The following TMEM132C variants were observed in gnomAD, a reference collection of about 807,000 sequenced individuals.
The protein encoded by TMEM132C is transmembrane protein 132C, also known as protein phosphatase 1, regulatory subunit 152.
TMEM132C carries 29 observed loss-of-function variants against 61.4 expected under a neutral mutation model. The ratio of observed to expected loss-of-function variants is 0.47; its 90% CI spans 0.35 to 0.64. The LOEUF (loss-of-function observed/expected upper bound fraction) is 0.64. TMEM132C is among the 30% of genes least tolerant of loss of function. The probability of loss-of-function intolerance (pLI) is 0.00; values close to 1 mark genes in which losing one functional copy is unlikely to be tolerated. For synonymous variants in TMEM132C, 656 were observed against 633.1 expected, an observed-to-expected ratio of 1.04 and a Z score of -0.54; for missense variants, 1,408 against 1,476.9, an observed-to-expected ratio of 0.95 and a Z score of 0.76.
At chr12:128,473,324 T>TCATCCTCACTCCAGCATC (rs371048252) in intron 2 of TMEM132C, among the ~76,000 whole-genome samples, 1 of 151,684 alleles carries the variant, frequency 6.6e-6, no homozygotes, top group Non-Finnish European at 1.5e-5. Context: ...GCCTCTATCT[T>TCATCCTCACTCCAGCATC]CATCTTCAGT....
At chr12:128,269,347 C>CGTGTGTGTGTGTGTGTGT (rs58843737) in intron 1 of TMEM132C, among the ~76,000 whole-genome samples, 4,171 of 143,070 alleles carry the variant, frequency 0.029, 118 homozygotes, top group East Asian at 0.077. Context: ...GCTCACATTC[C>CGTGTGTGTGTGTGTGTGT]GTGTGTGTGT....
At chr12:128,439,619 T>G (rs185148287) in intron 2 of TMEM132C, among the ~76,000 whole-genome samples, 4 of 152,230 alleles carry the variant, frequency 2.6e-5, no homozygotes, top group Non-Finnish European at 5.9e-5. Flanking sequence ...CCTTTCTTTT[T>G]TTCAGCAGGA....
At chr12:128,499,537 AC>A (rs1872084530) in intron 2 of TMEM132C, among the ~76,000 whole-genome samples, 1 of 152,014 alleles carries the variant, frequency 6.6e-6, no homozygotes, top group Non-Finnish European at 1.5e-5. Flanking sequence ...GTACCCATTA[AC>A]CCTCTCCCGA....
chr12:128,469,972 C>T (rs181245820), intron 2 of TMEM132C, among the ~76,000 whole-genome samples: 133 of 152,140 alleles, frequency 8.7e-4, no homozygotes, highest in African/African-American at 3.1e-3. Flanking sequence ...TTTCTGAAAA[C>T]AATATTTGCT....
intron 2 of TMEM132C, among the ~76,000 whole-genome samples, chr12:128,444,320 T>G (rs1869899603): frequency 6.6e-6 from 1 of 152,192 alleles, no homozygotes; most frequent in Non-Finnish European, 1.5e-5. Flanking sequence ...GAAATACCCC[T>G]CTGTGCTTCA....
chr12:128,510,923 C>T (rs1221984654), intron 2 of TMEM132C, among the ~76,000 whole-genome samples: 2 of 152,196 alleles, frequency 1.3e-5, no homozygotes, highest in Non-Finnish European at 2.9e-5. Flanking sequence ...CTGTGTGCCG[C>T]TCACCCACCG....
At chr12:128,327,259 T>C (rs1872550768) in intron 1 of TMEM132C, among the ~76,000 whole-genome samples, 1 of 150,202 alleles carries the variant, frequency 6.7e-6, no homozygotes, top group African/African-American at 2.5e-5. Context: ...TGTAAAATAT[T>C]TGAAGAGACT....
Position 128,706,552 on chromosome 12 carries a change from A to G in TMEM132C, c.*257A>G, listed in dbSNP as rs1954842524. ...TGCAGACCAAGTTACTGAACTGCAC[A>G]GGCAAAATTAGGAAGGTTATTTTAT... On this transcript the variant is annotated 3_prime_UTR_variant, in exon 9 of 9. Transcript: ENST00000435159. The G allele has an allele frequency of 2.7e-6, 1 of 376,334 alleles. No individual in the cohort carries two copies. Among genetic ancestry groups the G allele is most frequent in the Non-Finnish European group, 4.7e-6 (1 of 212,420 alleles). 23.3% of individuals were successfully genotyped at this position (376,334 alleles called of 1,614,324 possible). A position where few individuals can be genotyped will look rare whatever the true frequency, so the allele number is the denominator to read the frequency against.
chr12:128,457,734 A>G (rs892575096), intron 2 of TMEM132C, among the ~76,000 whole-genome samples: 2 of 152,192 alleles, frequency 1.3e-5, no homozygotes, highest in Non-Finnish European at 2.9e-5. Context: ...CATACAGCCA[A>G]ACTTCAAAGG....
chr12:128,496,433 A>G (rs1415483706), intron 2 of TMEM132C, among the ~76,000 whole-genome samples: 1 of 152,108 alleles, frequency 6.6e-6, no homozygotes, highest in African/African-American at 2.4e-5. Flanking sequence ...AGTGTTTTCC[A>G]ACTTGGTTCC....
intron 4 of TMEM132C, among the ~76,000 whole-genome samples, chr12:128,621,690 ATG>A: frequency 6.6e-6 from 1 of 152,088 alleles, no homozygotes; most frequent in Non-Finnish European, 1.5e-5. Flanking sequence ...GCCCGGCCTG[ATG>A]TGTGTCTTGC....
intron 2 of TMEM132C, among the ~76,000 whole-genome samples, chr12:128,458,576 C>A (rs1380682602): frequency 6.6e-6 from 1 of 152,032 alleles, no homozygotes; most frequent in African/African-American, 2.4e-5. Context: ...CCTTTCCCAT[C>A]ATGGGGAAGG....
chr12:128,489,022 T>C (rs1014287944), intron 2 of TMEM132C, among the ~76,000 whole-genome samples: 2 of 152,202 alleles, frequency 1.3e-5, no homozygotes, highest in Non-Finnish European at 2.9e-5. Context: ...TTCAAGGCTG[T>C]TCCTCCTGGG....
At chr12:128,506,491 G>A (rs1872366173) in intron 2 of TMEM132C, among the ~76,000 whole-genome samples, 1 of 152,156 alleles carries the variant, frequency 6.6e-6, no homozygotes, top group African/African-American at 2.4e-5. Flanking sequence ...TCCAAGACTT[G>A]GACATAGGAG....
intron 5 of TMEM132C, among the ~76,000 whole-genome samples, chr12:128,677,919 C>T (rs1954605806): frequency 6.6e-6 from 1 of 152,244 alleles, no homozygotes; most frequent in Non-Finnish European, 1.5e-5. Flanking sequence ...GCGTTAGCTC[C>T]GGCACATGGA....
intron 1 of TMEM132C, among the ~76,000 whole-genome samples, chr12:128,327,343 G>C (rs931505650): frequency 6.7e-6 from 1 of 148,612 alleles, no homozygotes; most frequent in African/African-American, 2.6e-5. Flanking sequence ...TGTGCCCCAG[G>C]TGCCCGGGGC....
chr12:128,381,069 A>G (rs1270288978), intron 1 of TMEM132C, among the ~76,000 whole-genome samples: 1 of 152,222 alleles, frequency 6.6e-6, no homozygotes, highest in African/African-American at 2.4e-5. Flanking sequence ...AAAAGAAAGC[A>G]CAGAAGACCA....
chr12:128,417,107 C>T (rs1868808341), intron 2 of TMEM132C, among the ~76,000 whole-genome samples: 1 of 152,092 alleles, frequency 6.6e-6, no homozygotes, highest in African/African-American at 2.4e-5. Flanking sequence ...GTTTGTTTCC[C>T]CATGGCTTGG....
chr12:128,699,733 A>AGTC (rs1460243218), intron 8 of TMEM132C, among the ~76,000 whole-genome samples: 1 of 152,222 alleles, frequency 6.6e-6, no homozygotes, highest in African/African-American at 2.4e-5. Flanking sequence ...TCATGACAGC[A>AGTC]GTCACTCATC....
Sources: allele counts gnomAD v4.1 joint callset (sites outside exome capture counted in the v4.1 genomes callset), GRCh38; gene constraint gnomAD v4.1.1; transcripts MANE v1.5; gene names NCBI Gene and HGNC (gene_info 2026-07-23, HGNC 2026-07-21).